Variants in OR10J1 observed in about 807,000 individuals in gnomAD.
OR10J1 encodes olfactory receptor 10J1.
For synonymous variants in OR10J1, 202 were observed against 143.8 expected (o/e 1.40, Z -2.89); for missense variants, 474 against 376.6 (o/e 1.26, Z -2.14).
chr1:159,400,817 CA>C, the OR10J1 span, among the ~76,000 whole-genome samples: 1 of 151,834 alleles, frequency 6.6e-6, no homozygotes, highest in African/African-American at 2.4e-5. Context: ...GCAGAATACA[CA>C]TCCTTTTCCT....
chr1:159,421,776 G>A, the OR10J1 span, among the ~76,000 whole-genome samples: 1 of 152,168 alleles, frequency 6.6e-6, no homozygotes, highest in Non-Finnish European at 1.5e-5. Context: ...GGCCTGGGTG[G>A]TGATGGCAGT....
At chr1:159,421,468 T>C in the OR10J1 span, among the ~76,000 whole-genome samples, 1 of 152,222 alleles carries the variant, frequency 6.6e-6, no homozygotes, top group Admixed American at 6.5e-5. Context: ...TAATTTCATG[T>C]TTCCTGTGTT....
chr1:159,405,625 C>A, the OR10J1 span: 2 of 415,958 alleles, frequency 4.8e-6, no homozygotes. Context: ...GCCATAGTGG[C>A]TGATGACCAC....
At chr1:159,400,108 AGAAG>A in the OR10J1 span, among the ~76,000 whole-genome samples, 12 of 152,120 alleles carry the variant, frequency 7.9e-5, no homozygotes, top group African/African-American at 2.9e-4. Context: ...AATGAAAGAA[AGAAG>A]GAAGAGAAGA....
chr1:159,397,977 T>C, the OR10J1 span, among the ~76,000 whole-genome samples: 11 of 152,188 alleles, frequency 7.2e-5, no homozygotes, highest in Non-Finnish European at 1.3e-4. Context: ...TTCAAGTCTG[T>C]GCAGTCATAG....
chr1:159,440,549 G>C lies in OR10J1; in HGVS notation c.758G>C (p.Cys253Ser), dbSNP rs774843255. ...HLTVVIVHYS[C>S]ASIAYLKPKS... is the part of the protein sequence containing the mutation. ...ACTGTGGTCATTGTCCACTACAGCT[G>C]TGCCTCCATTGCCTACCTCAAGCCC... Residue 253 changes from cysteine to serine, a missense_variant, in exon 1 of 1, where the codon TGT (cysteine) becomes TCT (serine). Physicochemically the swap from Cys to Ser is moderately radical, Grantham distance 112. Coordinates refer to ENST00000423932, the MANE Select transcript of OR10J1 (RefSeq NM_012351.3). 6.2e-7 allele frequency: 1 copy of C among 1,613,936 alleles called. No homozygotes were observed. Among genetic ancestry groups the C allele is most frequent in the South Asian group, 1.1e-5 (1 of 91,070 alleles).
chr1:159,406,402 G>C, the OR10J1 span: 1 of 395,682 alleles, frequency 2.5e-6, no homozygotes, highest in South Asian at 2.2e-5. Flanking sequence ...AATGGACAAC[G>C]GAAAGACAGA....
the OR10J1 span, among the ~76,000 whole-genome samples, chr1:159,429,051 A>G: frequency 6.6e-6 from 1 of 152,200 alleles, no homozygotes; most frequent in African/African-American, 2.4e-5. Context: ...TCTAAAAGGA[A>G]AGCAAGGTTG....
chr1:159,416,527 G>A, the OR10J1 span, among the ~76,000 whole-genome samples: 3 of 151,394 alleles, frequency 2.0e-5, no homozygotes. Context: ...TTCATCAGGA[G>A]CATTTTACTG....
rs377127559 is a variant in OR10J1, at chr1:159,440,595, A to G, written c.804A>G (p.Glu268=). Residue 268 remains glutamate, a synonymous_variant, in exon 1 of 1, where the codon GAA becomes GAG. Coordinates refer to ENST00000423932, the MANE Select transcript of OR10J1 (RefSeq NM_012351.3). The part of the protein sequence containing the change: ...YLKPKSENTR[E]HDQLISVTYT... ...AGCCCAAGTCAGAGAACACCAGAGA[A>G]CATGACCAGCTGATCTCGGTGACCT... 34 of 1,613,148 alleles carry G rather than the reference A, an allele frequency of 2.1e-5. No individual in the cohort carries two copies. Among genetic ancestry groups the G allele is most frequent in the Non-Finnish European group, 2.8e-5 (33 of 1,179,746 alleles).
chr1:159,417,193 T>C, the OR10J1 span, among the ~76,000 whole-genome samples: 1 of 152,190 alleles, frequency 6.6e-6, no homozygotes, highest in Non-Finnish European at 1.5e-5. Context: ...TCTATATGTG[T>C]TTATTTCTAT....
upstream of OR10J1, among the ~76,000 whole-genome samples, chr1:159,438,383 G>A (rs549527164): frequency 3.9e-5 from 6 of 152,282 alleles, no homozygotes; most frequent in South Asian, 2.1e-4. Context: ...ATTTCACATC[G>A]TGAATGGCCA....
chr1:159,422,639 C>G, the OR10J1 span, among the ~76,000 whole-genome samples: 1 of 152,142 alleles, frequency 6.6e-6, no homozygotes, highest in Non-Finnish European at 1.5e-5. Flanking sequence ...GGAGGCTGGG[C>G]TCTCAAAATG....
the OR10J1 span, among the ~76,000 whole-genome samples, chr1:159,426,248 T>C: frequency 2.6e-5 from 4 of 151,862 alleles, no homozygotes; most frequent in African/African-American, 9.7e-5. Context: ...AGCTAATTAA[T>C]GGAAACACAG....
the OR10J1 span, among the ~76,000 whole-genome samples, chr1:159,398,476 G>T: frequency 6.6e-6 from 1 of 152,182 alleles, no homozygotes; most frequent in Non-Finnish European, 1.5e-5. Flanking sequence ...ATTCAAAATA[G>T]ATGTGTTGAG....
upstream of OR10J1, among the ~76,000 whole-genome samples, chr1:159,434,206 C>A (rs985484937): frequency 6.6e-6 from 1 of 152,124 alleles, no homozygotes; most frequent in East Asian, 1.9e-4. Flanking sequence ...TAAACACGTG[C>A]AACCCAGCCC....
chr1:159,440,779 G>A lies in OR10J1; in HGVS notation c.*58G>A. 1.3e-6 allele frequency: 2 copies of A among 1,538,262 alleles called. No homozygotes were observed. Among genetic ancestry groups the A allele is most frequent in the Non-Finnish European group, 8.8e-7 (1 of 1,140,318 alleles). ...CATCCACACTAGGCAGGAATATGAGGTGTAAACTCACAAACACTTGGCTCC... is the reference window on the plus strand; with the variant it reads ...CATCCACACTAGGCAGGAATATGAGATGTAAACTCACAAACACTTGGCTCC... On this transcript the variant is annotated 3_prime_UTR_variant, in exon 1 of 1. Transcript: ENST00000423932.
the OR10J1 span, among the ~76,000 whole-genome samples, chr1:159,414,097 C>T: frequency 2.6e-5 from 4 of 152,008 alleles, no homozygotes; most frequent in African/African-American, 9.7e-5. Flanking sequence ...GTGTTGGAAA[C>T]ATTTCAAGTC....
the OR10J1 span, among the ~76,000 whole-genome samples, chr1:159,431,238 T>C: frequency 6.6e-6 from 1 of 152,140 alleles, no homozygotes; most frequent in African/African-American, 2.4e-5. Flanking sequence ...AAAAGGAGTG[T>C]CTCCTCTCAC....
Sources: gnomAD v4.1 joint callset for allele counts (sites outside exome capture counted in the v4.1 genomes callset) on GRCh38, gnomAD v4.1.1 for gene constraint, MANE v1.5 for transcripts, NCBI Gene and HGNC (gene_info 2026-07-23, HGNC 2026-07-21) for gene names.